ZNF521: variants seen among roughly 807,000 people sequenced by gnomAD.
ZNF521 encodes the protein zinc finger protein 521, also known as LYST-interacting protein 3.
Under a neutral mutation model 105.5 loss-of-function variants are expected in ZNF521, and 14 were observed. The ratio of observed to expected loss-of-function variants is 0.13; its 90% CI spans 0.09 to 0.21. ZNF521 has a LOEUF of 0.21. Ranked by LOEUF, ZNF521 falls within the 10% of genes least tolerant of loss-of-function variation. The pLI is 1.00. For missense variants in ZNF521, 1,233 were observed against 1,629.7 expected (o/e 0.76, Z 4.19); for synonymous variants, 635 against 606.0 (o/e 1.05, Z -0.70).
chr18:25,278,930 T>G (rs1910203087), intron 3 of ZNF521, among the ~76,000 whole-genome samples: 1 of 152,232 alleles, frequency 6.6e-6, no homozygotes, highest in African/African-American at 2.4e-5. Context: ...TTGGTTATCT[T>G]TCTCTTTTTC....
chr18:25,207,407 A>C (rs1413189967), intron 4 of ZNF521, among the ~76,000 whole-genome samples: 1 of 151,864 alleles, frequency 6.6e-6, no homozygotes, highest in Non-Finnish European at 1.5e-5. Flanking sequence ...GGGGCACAGG[A>C]CTCCAGGACC....
chr18:25,226,003 A>G lies in ZNF521; in HGVS notation c.1915T>C (p.Cys639Arg). 6.2e-7 allele frequency: 1 copy of G among 1,614,190 alleles called. No homozygotes were observed. Among genetic ancestry groups the G allele is most frequent in the South Asian group, 1.1e-5 (1 of 91,084 alleles). The stretch of plus-strand genomic sequence containing the variant: ...TCTAGGGATGTGTACTTAGCACCAC[A>G]TTGATTACAGATATATTCTCCAGTG... ...RPTGEYICNQ[C>R]GAKYTSLDSF... The change falls in exon 4 of 8, where the codon TGT (cysteine) becomes CGT (arginine). Residue 639 changes from cysteine to arginine, a missense_variant. Coordinates refer to ENST00000361524, the MANE Select transcript of ZNF521 (RefSeq NM_015461.3). This position sits in a 1 kb window ranked among gnomAD's most constrained non-coding sequence, Gnocchi z 4.1.
chr18:25,100,940 A>T (rs575559505), intron 5 of ZNF521, among the ~76,000 whole-genome samples: 3 of 152,282 alleles, frequency 2.0e-5, no homozygotes, highest in Non-Finnish European at 4.4e-5. Context: ...AACTAGTGTG[A>T]ATTTAATGTC....
Position 25,322,159 on chromosome 18 carries a change from A to G in ZNF521, c.69T>C (p.Thr23=), listed in dbSNP as rs751873107. The G allele has an allele frequency of 5.6e-6, 9 of 1,614,142 alleles. No individual in the cohort carries two copies. Among genetic ancestry groups the G allele is most frequent in the Non-Finnish European group, 7.6e-6 (9 of 1,180,024 alleles). Residue 23 remains threonine (T), a synonymous_variant, in exon 3 of 8, where the codon ACT becomes ACC. Transcript: ENST00000361524. ...KDPNCKLEDK[T]EDGEALDCKK... Reference sequence around the variant, plus strand: ...TACAATCTAGTGCCTCTCCATCTTCAGTCTTGTCTTCAAGTTTACAGTTGG... The same window carrying G: ...TACAATCTAGTGCCTCTCCATCTTCGGTCTTGTCTTCAAGTTTACAGTTGG...
At chr18:25,099,025 T>G (rs1028479312) in intron 5 of ZNF521, among the ~76,000 whole-genome samples, 1 of 152,158 alleles carries the variant, frequency 6.6e-6, no homozygotes, top group Non-Finnish European at 1.5e-5. Flanking sequence ...GCTCTGACCA[T>G]CTCAATGCCA....
intron 5 of ZNF521, among the ~76,000 whole-genome samples, chr18:25,131,003 CT>C (rs1289956994): frequency 6.6e-6 from 1 of 151,920 alleles, no homozygotes; most frequent in Non-Finnish European, 1.5e-5. Context: ...CAAAATATAT[CT>C]TTTTTTCCGA....
intron 5 of ZNF521, among the ~76,000 whole-genome samples, chr18:25,106,456 T>TA (rs1044436409): frequency 4.6e-5 from 7 of 151,752 alleles, no homozygotes; most frequent in Admixed American, 1.3e-4. Context: ...AATTGATGTT[T>TA]AAAAAAAAAT....
chr18:25,195,671 T>C (rs2035890992), intron 4 of ZNF521, among the ~76,000 whole-genome samples: 1 of 151,772 alleles, frequency 6.6e-6, no homozygotes, highest in African/African-American at 2.4e-5. Context: ...TAGATATCCA[T>C]AAGTAATACG....
At chr18:25,207,301 C>T (rs945147102) in intron 4 of ZNF521, among the ~76,000 whole-genome samples, 3 of 151,666 alleles carry the variant, frequency 2.0e-5, no homozygotes, top group African/African-American at 7.3e-5. Flanking sequence ...ATGAAAACAT[C>T]CACATGTACA....
intron 5 of ZNF521, among the ~76,000 whole-genome samples, chr18:25,113,952 A>C (rs963738208): frequency 3.3e-5 from 5 of 151,762 alleles, no homozygotes; most frequent in Non-Finnish European, 5.9e-5. Flanking sequence ...TGATAAGGTA[A>C]ACAGTGTCCT....
rs763023109 is a variant in ZNF521, at chr18:25,227,268, A to G, written c.650T>C (p.Leu217Ser). ...CTCATGAACCTGCATGTGTCCGTGT[A>G]AGGAACTAGAGGACAGAAACCCACG... ...CRRGFLSSSS[L>S]HGHMQVHERN... The change falls in exon 4 of 8, where the codon TTA (leucine) becomes TCA (serine). Residue 217 changes from leucine to serine, a missense_variant. Leu to Ser is a moderately radical substitution (Grantham distance 145). This residue lies in a region of ZNF521 where 380 missense variants were observed against 478.0 expected (regional missense o/e 0.80). Transcript: ENST00000361524. This position sits in a 1 kb window ranked among gnomAD's most constrained non-coding sequence, Gnocchi z 5.7. 6.2e-7 allele frequency: 1 copy of G among 1,614,134 alleles called. No homozygotes were observed. The highest frequency in any genetic ancestry group is 8.5e-7 in the Non-Finnish European group (1 of 1,180,006).
intron 3 of ZNF521, among the ~76,000 whole-genome samples, chr18:25,309,568 T>C (rs1287427432): frequency 1.3e-5 from 2 of 152,188 alleles, no homozygotes; most frequent in African/African-American, 4.8e-5. Flanking sequence ...TGAATATAAA[T>C]ATTAAACCAG....
chr18:25,247,677 G>A (rs1268596094), intron 3 of ZNF521, among the ~76,000 whole-genome samples: 4 of 152,164 alleles, frequency 2.6e-5, no homozygotes, highest in African/African-American at 7.2e-5. Context: ...ATGGCCCCAA[G>A]TTTATTTGCA....
At chr18:25,166,412 A>G (rs1265731523) in intron 5 of ZNF521, among the ~76,000 whole-genome samples, 2 of 152,134 alleles carry the variant, frequency 1.3e-5, no homozygotes, top group African/African-American at 2.4e-5. Flanking sequence ...AGTTAACTGG[A>G]TTTTTTTAAA....
intron 7 of ZNF521, among the ~76,000 whole-genome samples, chr18:25,067,859 A>C (rs931674687): frequency 6.6e-6 from 1 of 152,168 alleles, no homozygotes; most frequent in Admixed American, 6.5e-5. Flanking sequence ...GCATCGGCAA[A>C]ATGTTACGTA....
intron 2 of ZNF521, among the ~76,000 whole-genome samples, chr18:25,335,858 G>A (rs552194139): frequency 3.3e-5 from 5 of 152,290 alleles, no homozygotes; most frequent in African/African-American, 1.2e-4. Flanking sequence ...ACCAGCGAGC[G>A]CGGACAGAGG....
intron 5 of ZNF521, among the ~76,000 whole-genome samples, chr18:25,189,593 G>A (rs373280075): frequency 2.6e-4 from 39 of 152,232 alleles, no homozygotes; most frequent in African/African-American, 7.0e-4. Flanking sequence ...ATTGGCAAGC[G>A]TTCCCTGCTA....
At chr18:25,088,212 T>C (rs1040616760) in intron 7 of ZNF521, among the ~76,000 whole-genome samples, 29 of 151,820 alleles carry the variant, frequency 1.9e-4, no homozygotes, top group African/African-American at 6.5e-4. Flanking sequence ...TAATTTTCTT[T>C]TCTTTTCTTT....
At chr18:25,293,506 C>T (rs1368012009) in intron 3 of ZNF521, among the ~76,000 whole-genome samples, 1 of 152,152 alleles carries the variant, frequency 6.6e-6, no homozygotes, top group Non-Finnish European at 1.5e-5. Flanking sequence ...GATTCTACCT[C>T]AAGGTGATCT....
Sources: allele counts gnomAD v4.1 joint callset (sites outside exome capture counted in the v4.1 genomes callset), GRCh38; gene constraint gnomAD v4.1.1; regional missense constraint gnomAD v4.1.1; non-coding constraint Gnocchi (gnomAD v3.1); transcripts MANE v1.5; gene names NCBI Gene and HGNC (gene_info 2026-07-23, HGNC 2026-07-21).